The following FA2H variants were observed in gnomAD, a reference collection of about 807,000 sequenced individuals.
The protein encoded by FA2H is fatty acid alpha-hydroxylase.
In FA2H, 22 loss-of-function variants were observed where a neutral mutation model predicts 44.9. The ratio of observed to expected loss-of-function variants is 0.49; its 90% CI spans 0.35 to 0.70. FA2H has a LOEUF of 0.70. Ranked by LOEUF, FA2H falls within the 30% of genes least tolerant of loss-of-function variation. The probability of loss-of-function intolerance (pLI) is 0.01; values close to 1 mark genes in which losing one functional copy is unlikely to be tolerated. For synonymous variants in FA2H, 243 were observed against 213.2 expected, an observed-to-expected ratio of 1.14 and a Z score of -1.22; for missense variants, 501 against 504.9, an observed-to-expected ratio of 0.99 and a Z score of 0.07.
chr16:74,758,318 C>T (rs1360055407), intron 1 of FA2H, among the ~76,000 whole-genome samples: 3 of 151,724 alleles, frequency 2.0e-5, no homozygotes. Flanking sequence ...GTCAGGGTTT[C>T]ACTATGTTGG....
intron 1 of FA2H, among the ~76,000 whole-genome samples, chr16:74,761,200 C>T (rs1962701626): frequency 2.0e-5 from 3 of 151,992 alleles, no homozygotes; most frequent in Non-Finnish European, 4.4e-5. Flanking sequence ...GCCTGTAATC[C>T]CAGCACTTTG....
At chr16:74,715,323 A>T (rs549760538) in intron 6 of FA2H, among the ~76,000 whole-genome samples, 1 of 152,096 alleles carries the variant, frequency 6.6e-6, no homozygotes, top group South Asian at 2.1e-4. Context: ...AAAGGGTCTC[A>T]CTCTGTCACC....
In FA2H at chr16:74,730,337, C is replaced by A. The variant is rs535624705; in HGVS notation, c.364-2951G>T. ...TGGGGGTTGGGGGGTTCACTTCCTG[C>A]TTCTCAGGCTGGAAGATGATCCAAG... On this transcript the variant is annotated intron_variant, in intron 2 of 6. Coordinates refer to ENST00000219368, the MANE Select transcript of FA2H (RefSeq NM_024306.5). Among the ~76,000 whole-genome samples the A allele has an allele frequency of 4.0e-5, 6 of 150,260 alleles. No homozygotes were observed. In the East Asian group the frequency reaches 1.2e-3, roughly 29 times the overall value.
intron 4 of FA2H, among the ~76,000 whole-genome samples, chr16:74,725,630 C>T (rs1418197750): frequency 6.6e-6 from 1 of 152,182 alleles, no homozygotes; most frequent in African/African-American, 2.4e-5. Context: ...AATGACAGGA[C>T]CCTTCTTATG....
intron 1 of FA2H, among the ~76,000 whole-genome samples, 177 bp from the exon 2 acceptor site, chr16:74,740,292 G>A (rs915049533): frequency 6.6e-5 from 10 of 152,066 alleles, no homozygotes; most frequent in African/African-American, 2.4e-4. Context: ...TGTGAGCATT[G>A]TTATTCTCTG....
intron 1 of FA2H, among the ~76,000 whole-genome samples, chr16:74,754,797 G>C (rs1311120175): frequency 6.6e-6 from 1 of 151,542 alleles, no homozygotes; most frequent in Non-Finnish European, 1.5e-5. Flanking sequence ...CAAAGTGCTG[G>C]GATTACATGC....
chr16:74,727,586 G>A (rs1056750248), intron 2 of FA2H, among the ~76,000 whole-genome samples, 200 bp from the exon 3 acceptor site: 7 of 152,202 alleles, frequency 4.6e-5, no homozygotes, highest in African/African-American at 1.7e-4. Flanking sequence ...AATAGGATCC[G>A]GTAAAGGTTT....
chr16:74,771,131 G>A (rs115159846), intron 1 of FA2H, among the ~76,000 whole-genome samples: 96 of 152,272 alleles, frequency 6.3e-4, no homozygotes, highest in Admixed American at 1.8e-3. Flanking sequence ...ATGAGCCACC[G>A]CAAACCTGTC....
chr16:74,740,481 G>A (rs570496926), intron 1 of FA2H, among the ~76,000 whole-genome samples: 33 of 151,794 alleles, frequency 2.2e-4, no homozygotes, highest in Admixed American at 4.6e-4. Context: ...TTTACCAGGC[G>A]TGGTGGTGCG....
intron 1 of FA2H, among the ~76,000 whole-genome samples, chr16:74,765,158 TC>T (rs1962785757): frequency 1.1e-5 from 1 of 93,474 alleles, no homozygotes; most frequent in African/African-American, 3.4e-5. Flanking sequence ...TTTTTCTTAA[TC>T]TTTTTTTTTT....
chr16:74,735,762 C>CT (rs1270546915), intron 2 of FA2H, among the ~76,000 whole-genome samples: 1 of 152,122 alleles, frequency 6.6e-6, no homozygotes, highest in African/African-American at 2.4e-5. Flanking sequence ...GGGAGGATCA[C>CT]TGAGGCTGGG....
chr16:74,755,496 C>G (rs1012346503), intron 1 of FA2H, among the ~76,000 whole-genome samples: 1 of 152,150 alleles, frequency 6.6e-6, no homozygotes, highest in Admixed American at 6.5e-5. Flanking sequence ...TGATGGCCAA[C>G]ATAATATCAC....
intron 2 of FA2H, among the ~76,000 whole-genome samples, chr16:74,735,896 T>C (rs1363228004): frequency 2.0e-5 from 3 of 152,216 alleles, no homozygotes; most frequent in African/African-American, 7.2e-5. Context: ...GGTGGGAGGA[T>C]GGCTCAAGCC....
intron 1 of FA2H, among the ~76,000 whole-genome samples, chr16:74,764,488 G>A (rs913001131): frequency 7.2e-5 from 11 of 152,278 alleles, no homozygotes; most frequent in African/African-American, 2.6e-4. Flanking sequence ...AATACCACAT[G>A]TTCTCACTTA....
chr16:74,740,178 G>C, intron 1 of FA2H, 63 bp from the exon 2 acceptor site: 1 of 1,378,862 alleles, frequency 7.3e-7, no homozygotes, highest in Non-Finnish European at 1.0e-6. Flanking sequence ...AGAGCCCCGA[G>C]CTGCCCCGAG....
At chr16:74,744,644 G>T (rs941846770) in intron 1 of FA2H, among the ~76,000 whole-genome samples, 1 of 151,812 alleles carries the variant, frequency 6.6e-6, no homozygotes, top group Non-Finnish European at 1.5e-5. Flanking sequence ...TAGAGATGGG[G>T]TCTTGATCTA....
intron 2 of FA2H, among the ~76,000 whole-genome samples, chr16:74,733,604 G>A (rs1040019302): frequency 2.6e-5 from 4 of 152,222 alleles, no homozygotes; most frequent in Non-Finnish European, 5.9e-5. Flanking sequence ...TCAGCTGGGT[G>A]CTGAGAGGTT....
At chr16:74,773,161 C>T (rs1255281012) in intron 1 of FA2H, among the ~76,000 whole-genome samples, 15 of 152,310 alleles carry the variant, frequency 9.8e-5, no homozygotes, top group African/African-American at 3.4e-4. Context: ...CAGATGTCAG[C>T]CACTTTGCCT....
At chr16:74,740,491 G>A (rs1241155186) in intron 1 of FA2H, among the ~76,000 whole-genome samples, 1 of 151,372 alleles carries the variant, frequency 6.6e-6, no homozygotes, top group East Asian at 1.9e-4. Flanking sequence ...GTGGTGGTGC[G>A]CCCCTGTAAT....
Sources: gnomAD v4.1 joint callset for allele counts (sites outside exome capture counted in the v4.1 genomes callset) on GRCh38, gnomAD v4.1.1 for gene constraint, MANE v1.5 for transcripts, NCBI Gene and HGNC (gene_info 2026-07-23, HGNC 2026-07-21) for gene names.